The following F13A1 variants were observed in gnomAD, a reference collection of about 807,000 sequenced individuals.
F13A1 encodes the protein FSF, A subunit.
Under a neutral mutation model 80.1 loss-of-function variants are expected in F13A1, and 47 were observed. The ratio of observed to expected loss-of-function variants is 0.59; its 90% CI spans 0.46 to 0.75. The LOEUF is 0.75. Among genes scored for constraint, F13A1 ranks in the 30% least tolerant of loss-of-function variants. The pLI is 0.00. For synonymous variants in F13A1, 349 were observed against 344.9 expected (o/e 1.01, Z -0.13); for missense variants, 817 against 930.4 (o/e 0.88, Z 1.59).
In F13A1 at chr6:6,235,086, T is replaced by C. The variant is rs563949182; in HGVS notation, c.799-10226A>G. ...AGGTGGCATCAATTGGATATTCATA[T>C]GCAAAAATACGAGCTTTGATTCATA... On this transcript the variant is annotated intron_variant, in intron 6 of 14. Transcript: ENST00000264870. Among the ~76,000 whole-genome samples the C allele has an allele frequency of 3.5e-3, 537 of 152,154 alleles. 1 individual carries two copies. Among genetic ancestry groups the C allele is most frequent in the Non-Finnish European group, 5.7e-3 (388 of 67,902 alleles).
intron 4 of F13A1, 81 bp downstream of exon 4, chr6:6,266,477 G>T (rs1757845694): frequency 6.2e-7 from 1 of 1,602,906 alleles, no homozygotes; most frequent in East Asian, 2.2e-5. Context: ...CTCCCAAAGA[G>T]CTGGGAGTAT....
chr6:6,288,029 TG>T lies in F13A1; in HGVS notation c.319+17321del, dbSNP rs1486690667. Reference sequence around the variant, plus strand: ...TTTTTAAAAAATAGACAATCACTTATGGGGAATCTATTGGGATACAATGTGA... The same window carrying T: ...TTTTTAAAAAATAGACAATCACTTATGGGAATCTATTGGGATACAATGTGA... On this transcript the variant is annotated intron_variant, in intron 3 of 14. Transcript: ENST00000264870. Among the ~76,000 whole-genome samples, 8 of 152,302 alleles carry T rather than the reference TG, an allele frequency of 5.3e-5. No individual in the cohort carries two copies. In the East Asian group the frequency reaches 1.5e-3, roughly 29 times the overall value.
rs200672690 is a variant in F13A1, at chr6:6,145,679, G to A, written c.2139C>T (p.Asp713=). The A allele has an allele frequency of 8.1e-6, 13 of 1,614,046 alleles. No individual in the cohort carries two copies. The highest frequency in any genetic ancestry group is 1.1e-5 in the Non-Finnish European group (13 of 1,180,028). The change falls in exon 15 of 15, where the codon GAC becomes GAT. Residue 713 remains aspartate (D), a synonymous_variant. Coordinates refer to ENST00000264870, the MANE Select transcript of F13A1 (RefSeq NM_000129.4). ...HRKLIASMSS[D]SLRHVYGELD... ...GCTCGCCATACACATGTCTCAGGGA[G>A]TCACTGCTCATGCTGGCTATCAGCT...
intron 11 of F13A1, among the ~76,000 whole-genome samples, chr6:6,178,811 T>C (rs1050645239): frequency 6.6e-6 from 1 of 152,050 alleles, no homozygotes; most frequent in Non-Finnish European, 1.5e-5. Context: ...AAAGACAGAA[T>C]TGCAAGCAAA....
chr6:6,305,248 T>C, intron 3 of F13A1, 103 bp downstream of exon 3: 1 of 1,293,984 alleles, frequency 7.7e-7, no homozygotes, highest in South Asian at 1.2e-5. Flanking sequence ...CTCCTGCCAC[T>C]GTTGACATAT....
intron 6 of F13A1, among the ~76,000 whole-genome samples, chr6:6,236,400 T>C (rs1318730554): frequency 6.6e-6 from 1 of 152,126 alleles, no homozygotes; most frequent in Non-Finnish European, 1.5e-5. Context: ...TTCTCCTGTA[T>C]AATTCAAAGA....
rs1034126219 is a variant in F13A1 at position 6,162,597 on chromosome 6, C to T, written c.1908+4861G>A. ...GAAGACCTGGGCCAGAAGTGTCTCTCCTTCCCTCAACAGGCACGTGATCAC... is the reference window on the plus strand; with the variant it reads ...GAAGACCTGGGCCAGAAGTGTCTCTTCTTCCCTCAACAGGCACGTGATCAC... On this transcript the variant is annotated intron_variant, in intron 13 of 14. Transcript: ENST00000264870. This position sits in a 1 kb window ranked among gnomAD's most constrained non-coding sequence, Gnocchi z 4.2. Among the ~76,000 whole-genome samples, 1 of 152,190 alleles carries T rather than the reference C, an allele frequency of 6.6e-6. No individual in the cohort carries two copies. Among genetic ancestry groups the T allele is most frequent in the African/African-American group, 2.4e-5 (1 of 41,436 alleles).
chr6:6,184,276 G>A (rs1273482580), intron 10 of F13A1, among the ~76,000 whole-genome samples: 1 of 152,218 alleles, frequency 6.6e-6, no homozygotes, highest in Non-Finnish European at 1.5e-5. Flanking sequence ...TGGAGAAGCA[G>A]CTCAAGCCCT....
At chr6:6,248,448 A>G (rs375480945) in intron 5 of F13A1, 29 bp from the exon 6 acceptor site, 255 of 1,563,126 alleles carry the variant, frequency 1.6e-4, no homozygotes, top group Non-Finnish European at 2.1e-4. Flanking sequence ...ACAAAGAGAA[A>G]CTAGTGTTCA....
At chr6:6,247,768 A>G (rs1757574308) in intron 6 of F13A1, among the ~76,000 whole-genome samples, 1 of 152,222 alleles carries the variant, frequency 6.6e-6, no homozygotes, top group South Asian at 2.1e-4. Context: ...GTAAAAGTGC[A>G]TGAGTAATGG....
intron 13 of F13A1, among the ~76,000 whole-genome samples, chr6:6,153,599 A>G (rs1760421318): frequency 6.6e-6 from 1 of 152,170 alleles, no homozygotes; most frequent in South Asian, 2.1e-4. Flanking sequence ...AGCTGGATTC[A>G]GGGGAACTAG....
chr6:6,154,143 CAA>C (rs5874019), intron 13 of F13A1, among the ~76,000 whole-genome samples: 14,319 of 124,902 alleles, frequency 0.11, 995 homozygotes, highest in African/African-American at 0.23. Context: ...TACTGACGTC[CAA>C]AAAAAAAAAA....
chr6:6,223,717 G>A (rs1757233405), intron 7 of F13A1, among the ~76,000 whole-genome samples: 2 of 151,594 alleles, frequency 1.3e-5, no homozygotes, highest in South Asian at 4.2e-4. Flanking sequence ...CCAAGTCTTA[G>A]ACTGTTGAGA....
chr6:6,266,232 GT>G lies in F13A1; in HGVS notation c.571+325del, dbSNP rs1267889897. 3.9e-5 allele frequency among the ~76,000 whole-genome samples: 6 copies of G among 151,966 alleles called. No homozygotes were observed. The East Asian group carries it at 9.7e-4, about 24-fold the overall frequency. On this transcript the variant is annotated intron_variant, in intron 4 of 14. Coordinates refer to ENST00000264870, the MANE Select transcript of F13A1 (RefSeq NM_000129.4). ...AGATGTATTGGAAATACATGAGCTT[GT>G]TTTTTTTCTTTTTTCAAAGACGGAG...
intron 6 of F13A1, among the ~76,000 whole-genome samples, chr6:6,248,103 A>G (rs899709712): frequency 6.6e-6 from 1 of 152,258 alleles, no homozygotes; most frequent in Admixed American, 6.5e-5. Context: ...CCAAAGAAAC[A>G]TACAGTATTG....
intron 8 of F13A1, among the ~76,000 whole-genome samples, chr6:6,208,389 G>A (rs1478628663): frequency 6.6e-6 from 1 of 152,060 alleles, no homozygotes; most frequent in African/African-American, 2.4e-5. Flanking sequence ...CCCAGAAACA[G>A]GTGAGATGTT....
rs1437900394 is a variant in F13A1, at chr6:6,243,191, CACCACCATCACTCCT to C, written c.798+5106_798+5120del. Among the ~76,000 whole-genome samples the C allele has an allele frequency of 1.3e-5, 2 of 151,718 alleles. No homozygotes were observed. The highest frequency in any genetic ancestry group is 1.9e-4 in the East Asian group (1 of 5,156). On this transcript the variant is annotated intron_variant, in intron 6 of 14. Coordinates refer to ENST00000264870, the MANE Select transcript of F13A1 (RefSeq NM_000129.4). The surrounding 1 kb of genome is among the most constrained non-coding windows in gnomAD (Gnocchi z 4.2). ...TCACCACCACTACCACCATCACTCC[CACCACCATCACTCCT>C]ACCATCACCACCACCATCACCGTCA...
At chr6:6,161,770 G>A (rs1760580816) in intron 13 of F13A1, among the ~76,000 whole-genome samples, 3 of 152,144 alleles carry the variant, frequency 2.0e-5, no homozygotes, top group African/African-American at 7.2e-5. Flanking sequence ...TGCTGGGAAT[G>A]GTTGACTGGG....
chr6:6,299,532 T>C (rs1758387365), intron 3 of F13A1, among the ~76,000 whole-genome samples: 1 of 134,524 alleles, frequency 7.4e-6, no homozygotes, highest in Non-Finnish European at 1.5e-5. Flanking sequence ...TTCTTCCAGT[T>C]GATCGCATCG....
Sources: gnomAD v4.1 joint callset for allele counts (sites outside exome capture counted in the v4.1 genomes callset) on GRCh38, gnomAD v4.1.1 for gene constraint, Gnocchi (gnomAD v3.1) non-coding constraint, MANE v1.5 for transcripts, NCBI Gene and HGNC (gene_info 2026-07-23, HGNC 2026-07-21) for gene names.